PAQR5: variants seen among roughly 807,000 people sequenced by gnomAD.
PAQR5 encodes membrane progestin receptor gamma.
In PAQR5, 20 loss-of-function variants were observed where a neutral mutation model predicts 34.5. That is an observed-to-expected ratio of 0.58 (90% confidence interval 0.41 to 0.84). The LOEUF is 0.84. Among genes scored for constraint, PAQR5 ranks in the 40% least tolerant of loss-of-function variants. The probability of loss-of-function intolerance (pLI) is 0.00; values close to 1 mark genes in which losing one functional copy is unlikely to be tolerated. For synonymous variants in PAQR5, 131 were observed against 155.6 expected, an observed-to-expected ratio of 0.84 and a Z score of 1.18; for missense variants, 378 against 412.7, an observed-to-expected ratio of 0.92 and a Z score of 0.73.
rs767119548 is a variant in PAQR5 at position 69,381,277 on chromosome 15, C to T, written c.179+1267C>T. 7.2e-5 allele frequency among the ~76,000 whole-genome samples: 11 copies of T among 152,350 alleles called. No homozygotes were observed. In the East Asian group the frequency reaches 2.1e-3, roughly 29 times the overall value. ...CTGCTTCCTATGCGTCCTCCTGGAG[C>T]TTTTCTGGGGGACCCAGGAGCATCT... is the stretch of plus-strand genomic sequence containing the variant. On this transcript the variant is annotated intron_variant, in intron 4 of 8. Transcript: ENST00000395407.
intron 1 of PAQR5, among the ~76,000 whole-genome samples, chr15:69,326,156 G>A (rs1228127061): frequency 1.3e-5 from 2 of 152,034 alleles, no homozygotes; most frequent in Non-Finnish European, 2.9e-5. Flanking sequence ...CCAGTGCCTG[G>A]GAAATGGTGC....
intron 8 of PAQR5, among the ~76,000 whole-genome samples, chr15:69,403,367 G>T (rs925429400): frequency 4.6e-5 from 7 of 152,090 alleles, no homozygotes; most frequent in African/African-American, 9.7e-5. Flanking sequence ...TCAGACCCAT[G>T]CACTGTTAAT....
At chr15:69,368,418 G>A (rs1254176784) in intron 3 of PAQR5, among the ~76,000 whole-genome samples, 2 of 152,234 alleles carry the variant, frequency 1.3e-5, no homozygotes, top group South Asian at 2.1e-4. Context: ...ACCTAACTTT[G>A]AGAAAGTCTG....
rs1008656446 is a variant in PAQR5, at chr15:69,379,632, G to A, written c.52-251G>A. On this transcript the variant is annotated intron_variant, in intron 3 of 8. Transcript: ENST00000395407. Reference sequence around the variant, plus strand: ...GAGTAAGTACGCCGGGGAATGCAAAGACAGGCTGGATTCCCAAAGGGAGCC... The same window carrying A: ...GAGTAAGTACGCCGGGGAATGCAAAAACAGGCTGGATTCCCAAAGGGAGCC... 4 of 969,264 alleles carry A rather than the reference G, an allele frequency of 4.1e-6. No homozygotes were observed. The Admixed American group carries it at 2.5e-4, about 60-fold the overall frequency. 60.0% of individuals were successfully genotyped at this position (969,264 alleles called of 1,614,324 possible). A position where few individuals can be genotyped will look rare whatever the true frequency, so the allele number is the denominator to read the frequency against.
Position 69,360,068 on chromosome 15 carries a change from A to G in PAQR5, c.-13A>G. 6.2e-7 allele frequency: 1 copy of G among 1,613,098 alleles called. No homozygotes were observed. The highest frequency in any genetic ancestry group is 8.5e-7 in the Non-Finnish European group (1 of 1,179,178). ...GCGCTGTCACCTACTGGCCTTGCCA[A>G]TCCAGCTCCAAGATGCTGAGCCTGA... On this transcript the variant is annotated 5_prime_UTR_variant, in exon 3 of 9. Coordinates refer to ENST00000395407, the MANE Select transcript of PAQR5 (RefSeq NM_017705.4).
At chr15:69,380,292 T>G in intron 4 of PAQR5, 2 of 337,568 alleles carry the variant, frequency 5.9e-6, no homozygotes, top group Admixed American at 9.1e-5. Flanking sequence ...ATGATAGCAT[T>G]TACCTTCATC....
chr15:69,300,944 T>C lies in PAQR5; in HGVS notation c.-277+1888T>C, dbSNP rs183613662. ...CTCTCTCTCTCTCTCTCTCTCTTTC[T>C]TTCCTTCTTTCTTTCTTTCTTTCTT... is the stretch of plus-strand genomic sequence containing the variant. On this transcript the variant is annotated intron_variant, in intron 1 of 8. Coordinates refer to ENST00000395407, the MANE Select transcript of PAQR5 (RefSeq NM_017705.4). Among the ~76,000 whole-genome samples the C allele has an allele frequency of 5.8e-3, 209 of 35,820 alleles. 36 individuals are homozygous for C. Among genetic ancestry groups the C allele is most frequent in the African/African-American group, 0.011 (135 of 12,742 alleles). 23.5% of individuals were successfully genotyped at this position (35,820 alleles called of 152,430 possible).
At chr15:69,309,988 C>G (rs1373882039) in intron 1 of PAQR5, among the ~76,000 whole-genome samples, 3 of 151,734 alleles carry the variant, frequency 2.0e-5, no homozygotes, top group Non-Finnish European at 4.4e-5. Flanking sequence ...GTGGAGGTCA[C>G]AGTGAGCTGA....
intron 4 of PAQR5, among the ~76,000 whole-genome samples, chr15:69,383,362 C>CCCTCCGTG (rs1567033404): frequency 5.3e-4 from 76 of 142,856 alleles, no homozygotes; most frequent in East Asian, 1.1e-3. Flanking sequence ...GGTGAGTGGG[C>CCCTCCGTG]CTTTGTGTAC....
At chr15:69,371,643 C>T (rs1504618) in intron 3 of PAQR5, among the ~76,000 whole-genome samples, 147,694 of 152,306 alleles carry the variant, frequency 0.97, 71,769 homozygotes, top group East Asian at 1. Flanking sequence ...CTTCTCTTCA[C>T]AGTCCAGAGA....
chr15:69,329,118 G>A (rs1247967562), intron 1 of PAQR5, among the ~76,000 whole-genome samples: 2 of 152,222 alleles, frequency 1.3e-5, no homozygotes, highest in African/African-American at 4.8e-5. Flanking sequence ...CACTGCAAGG[G>A]GCTGGTGGTT....
chr15:69,303,426 C>G (rs2053647560), intron 1 of PAQR5, among the ~76,000 whole-genome samples: 1 of 152,100 alleles, frequency 6.6e-6, no homozygotes, highest in Non-Finnish European at 1.5e-5. Flanking sequence ...GGAGTCATCC[C>G]CACCAGACCT....
At chr15:69,302,511 A>T (rs954819237) in intron 1 of PAQR5, among the ~76,000 whole-genome samples, 2 of 152,144 alleles carry the variant, frequency 1.3e-5, no homozygotes, top group Non-Finnish European at 1.5e-5. Flanking sequence ...TGTCTTGTTC[A>T]TCGAAGGCCA....
At chr15:69,337,171 G>A (rs574192935) in intron 1 of PAQR5, among the ~76,000 whole-genome samples, 170 bp from the exon 2 acceptor site, 63 of 152,230 alleles carry the variant, frequency 4.1e-4, no homozygotes, top group African/African-American at 1.4e-3. Flanking sequence ...AGAGCTATTT[G>A]CAAGCTTTAA....
chr15:69,321,486 A>G (rs1406598963), intron 1 of PAQR5, among the ~76,000 whole-genome samples: 1 of 152,234 alleles, frequency 6.6e-6, no homozygotes, highest in Non-Finnish European at 1.5e-5. Context: ...ATGGCCCAAT[A>G]AAACACATAA....
intron 1 of PAQR5, among the ~76,000 whole-genome samples, chr15:69,317,416 C>A (rs535054326): frequency 6.1e-4 from 93 of 152,310 alleles, no homozygotes; most frequent in African/African-American, 2.0e-3. Flanking sequence ...CCCCTAGTAC[C>A]CTCCAGTCTC....
At chr15:69,303,121 C>A (rs746240842) in intron 1 of PAQR5, among the ~76,000 whole-genome samples, 2 of 152,132 alleles carry the variant, frequency 1.3e-5, no homozygotes, top group African/African-American at 4.8e-5. Flanking sequence ...TCAGTTAACA[C>A]GTGCTGAGTA....
chr15:69,369,845 CA>C (rs1240603024), intron 3 of PAQR5, among the ~76,000 whole-genome samples: 2 of 151,566 alleles, frequency 1.3e-5, no homozygotes, highest in Admixed American at 1.3e-4. Flanking sequence ...GCTTTATTGG[CA>C]AAGTCTCGTA....
At chr15:69,303,778 G>A (rs2053656038) in intron 1 of PAQR5, among the ~76,000 whole-genome samples, 1 of 152,166 alleles carries the variant, frequency 6.6e-6, no homozygotes, top group South Asian at 2.1e-4. Flanking sequence ...CCTCACTTGG[G>A]AATCTGGCAA....
Sources: allele counts gnomAD v4.1 joint callset (sites outside exome capture counted in the v4.1 genomes callset), GRCh38; gene constraint gnomAD v4.1.1; transcripts MANE v1.5; gene names NCBI Gene and HGNC (gene_info 2026-07-23, HGNC 2026-07-21).